CAPN11: variants seen among roughly 807,000 people sequenced by gnomAD.
CAPN11 encodes calpain 11.
In CAPN11, 108 loss-of-function variants were observed where a neutral mutation model predicts 105.3. The observed-to-expected ratio is 1.03, with a 90% CI of 0.88 to 1.20. CAPN11 has a LOEUF of 1.20. Among genes scored for constraint, CAPN11 ranks in the 50% most tolerant of loss-of-function variants. The pLI, the probability that CAPN11 is intolerant of heterozygous loss-of-function variation, is 0.00. For synonymous variants in CAPN11, 329 were observed against 344.5 expected, an observed-to-expected ratio of 0.96 and a Z score of 0.50; for missense variants, 883 against 924.8, an observed-to-expected ratio of 0.95 and a Z score of 0.59.
intron 22 of CAPN11, 69 bp downstream of exon 22, chr6:44,183,832 C>CCCCCCACA: frequency 6.3e-7 from 1 of 1,577,652 alleles, no homozygotes; most frequent in Non-Finnish European, 8.6e-7. Context: ...CACCCCCACC[C>CCCCCCACA]AGCTCTGATG....
chr6:44,183,266 T>A, intron 21 of CAPN11, 31 bp downstream of exon 21: 1 of 1,434,560 alleles, frequency 7.0e-7, no homozygotes. Context: ...CTCCCCAGCC[T>A]AGGCCAGGGG....
intron 7 of CAPN11, 44 bp downstream of exon 7, chr6:44,173,430 T>C (rs1180386916): frequency 7.6e-7 from 1 of 1,320,834 alleles, no homozygotes. Flanking sequence ...GCACCTGCTG[T>C]TGCTGTCACC....
intron 7 of CAPN11, among the ~76,000 whole-genome samples, chr6:44,175,060 A>G (rs565839967): frequency 2.6e-5 from 4 of 152,322 alleles, no homozygotes; most frequent in Admixed American, 1.3e-4. Context: ...GGTGATAGAA[A>G]TGTTCTATAT....
chr6:44,174,531 A>G (rs1320029269), intron 7 of CAPN11, among the ~76,000 whole-genome samples: 3 of 151,262 alleles, frequency 2.0e-5, no homozygotes, highest in African/African-American at 7.3e-5. Flanking sequence ...AAAAAAAAAA[A>G]AAGAAATTAA....
intron 3 of CAPN11, 45 bp from the exon 4 acceptor site, chr6:44,169,860 GA>G: frequency 7.1e-7 from 1 of 1,410,060 alleles, no homozygotes; most frequent in Non-Finnish European, 9.9e-7. Context: ...GAAAGGTGGG[GA>G]GGGGGTGTCC....
chr6:44,166,848 C>G lies in CAPN11; in HGVS notation c.88+19C>G, dbSNP rs1323949829. On this transcript the variant is annotated intron_variant, in intron 2 of 22. Transcript: ENST00000398776. ...TGTGCGGGTAGGACTGCAGACCCGT[C>G]GTGGCTCTGTGGCCTCCCTTTTTCT... is the stretch of plus-strand genomic sequence containing the variant. 3 of 1,508,908 alleles carry G rather than the reference C, an allele frequency of 2.0e-6. No individual in the cohort carries two copies. Among genetic ancestry groups the G allele is most frequent in the Non-Finnish European group, 1.8e-6 (2 of 1,113,682 alleles). 93.5% of individuals were successfully genotyped at this position (1,508,908 alleles called of 1,614,324 possible).
At position 44,180,799 on chromosome 6, in the gene CAPN11, A is replaced by G. The variant is rs1392780154; in HGVS notation, c.1798A>G (p.Ile600Val). 3 of 1,613,552 alleles carry G rather than the reference A, an allele frequency of 1.9e-6. No individual in the cohort carries two copies. Among genetic ancestry groups the G allele is most frequent in the South Asian group, 1.1e-5 (1 of 91,084 alleles). ...CCAGAGGCTGCTCAACAGGATGGCC[A>G]TCAAATGTGAGTCTTCCACTCCTGC... is the stretch of plus-strand genomic sequence containing the variant. ...ELQRLLNRMA[I>V]KFKSFKTKGF... The change falls in exon 17 of 23, where the codon ATC (isoleucine) becomes GTC (valine). Residue 600 changes from isoleucine (I) to valine (V), a missense_variant. Transcript: ENST00000398776.
intron 19 of CAPN11, among the ~76,000 whole-genome samples, chr6:44,182,591 T>C (rs993141205): frequency 1.3e-5 from 2 of 152,010 alleles, no homozygotes; most frequent in African/African-American, 4.8e-5. Context: ...TGTCCTAAAG[T>C]ATTTCTTTTT....
chr6:44,181,676 T>A (rs796392573), intron 19 of CAPN11, among the ~76,000 whole-genome samples: 17 of 7,848 alleles, frequency 2.2e-3, no homozygotes, highest in African/African-American at 5.6e-3. Context: ...ACACACATAC[T>A]CACATACAGA....
Position 44,183,776 on chromosome 6 carries a change from G to C in CAPN11, c.2193+13G>C. On this transcript the variant is annotated intron_variant, in intron 22 of 22. Transcript: ENST00000398776. The stretch of plus-strand genomic sequence containing the variant: ...GAGCCTGGAACAGGTACTTGGAGAA[G>C]GGTGGGAAGGAATCTGCAGGATTGC... 6.2e-7 allele frequency: 1 copy of C among 1,613,190 alleles called. No individual in the cohort carries two copies. Among genetic ancestry groups the C allele is most frequent in the Non-Finnish European group, 8.5e-7 (1 of 1,179,454 alleles).
rs747747185 is a variant in CAPN11, at chr6:44,180,514, T to G, written c.1680+15T>G. On this transcript the variant is annotated intron_variant, in intron 15 of 22. Coordinates refer to ENST00000398776, the MANE Select transcript of CAPN11 (RefSeq NM_007058.4). ...AACTCCAAGAGGTGAGGGGAGACTGTAGGGCTGGGGGTTGGAAGGAAGCTC... is the reference window on the plus strand; with the variant it reads ...AACTCCAAGAGGTGAGGGGAGACTGGAGGGCTGGGGGTTGGAAGGAAGCTC... The G allele has an allele frequency of 6.2e-7, 1 of 1,613,578 alleles. No homozygotes were observed. The highest frequency in any genetic ancestry group is 1.1e-5 in the South Asian group (1 of 91,066).
intron 22 of CAPN11, 44 bp from the exon 23 acceptor site, chr6:44,183,862 C>A (rs749172072): frequency 6.4e-7 from 1 of 1,566,762 alleles, no homozygotes; most frequent in African/African-American, 1.4e-5. Flanking sequence ...CAGCATCCTG[C>A]CCCCGTCTCT....
At position 44,169,262 on chromosome 6, in the gene CAPN11, CTTTT is replaced by C; in HGVS notation, c.89-13_89-10del. ...TACATTTTTTACTTGCGTTATTTCT[CTTTT>C]TTTTTCTTAAGCAGAGCCCACTTTT... On this transcript the variant is annotated splice_polypyrimidine_tract_variant and intron_variant, in intron 2 of 22. Coordinates refer to ENST00000398776, the MANE Select transcript of CAPN11 (RefSeq NM_007058.4). 1.9e-6 allele frequency: 3 copies of C among 1,562,542 alleles called. No homozygotes were observed. The highest frequency in any genetic ancestry group is 2.6e-6 in the Non-Finnish European group (3 of 1,149,320).
intron 9 of CAPN11, 73 bp from the exon 10 acceptor site, chr6:44,176,508 G>A: frequency 1.4e-6 from 2 of 1,423,470 alleles, no homozygotes; most frequent in Non-Finnish European, 2.0e-6. Context: ...CAGGGAAGAG[G>A]CAGTCCCCTG....
intron 2 of CAPN11, 95 bp downstream of exon 2, chr6:44,166,924 T>C (rs527984292): frequency 1.5e-5 from 9 of 613,764 alleles, no homozygotes; most frequent in Non-Finnish European, 2.3e-5. Flanking sequence ...GTGGGGGAAG[T>C]CAGTCATGTT....
In CAPN11 at chr6:44,184,076, G is replaced by A. The variant is rs1403109590; in HGVS notation, c.*144G>A. 3.4e-5 allele frequency: 29 copies of A among 852,974 alleles called. No individual in the cohort carries two copies. The highest frequency in any genetic ancestry group is 5.3e-5 in the East Asian group (2 of 37,632). 52.8% of individuals were successfully genotyped at this position (852,974 alleles called of 1,614,324 possible). On this transcript the variant is annotated 3_prime_UTR_variant, in exon 23 of 23. Transcript: ENST00000398776. ...CCAGGTGGCAGTGCCCGGGTCCCAG[G>A]TGCCGTGTTTACTGCAGCAGTGGGA... is the stretch of plus-strand genomic sequence containing the variant.
At position 44,173,321 on chromosome 6, in the gene CAPN11, C is replaced by G; in HGVS notation, c.766C>G (p.Gln256Glu). 2 of 1,613,942 alleles carry G rather than the reference C, an allele frequency of 1.2e-6. No homozygotes were observed. Among genetic ancestry groups the G allele is most frequent in the East Asian group, 2.2e-5 (1 of 44,872 alleles). The change falls in exon 7 of 23, where the codon CAG (glutamine) becomes GAG (glutamate). Residue 256 changes from glutamine (Q) to glutamate (E), a missense_variant. Transcript: ENST00000398776. Reference protein sequence around the residue: ...AQSFQLQRPPQNLLRLLRKAV... With the variant: ...AQSFQLQRPPENLLRLLRKAV... ...GAGCTTCCAACTCCAGAGGCCCCCTCAGAACCTGCTCAGGCTCCTTAGGAA... is the reference window on the plus strand; with the variant it reads ...GAGCTTCCAACTCCAGAGGCCCCCTGAGAACCTGCTCAGGCTCCTTAGGAA...
In CAPN11 at chr6:44,172,327, C is replaced by A. The variant is rs753601236; in HGVS notation, c.435C>A (p.Ile145=). 1.3e-4 allele frequency: 206 copies of A among 1,557,472 alleles called. No homozygotes were observed. The highest frequency in any genetic ancestry group is 1.7e-4 in the Non-Finnish European group (196 of 1,150,884). Residue 145 remains isoleucine, a synonymous_variant, in exon 5 of 23, where the codon ATC becomes ATA. Transcript: ENST00000398776. ...ILGDCWLLAA[I]GSLTTCPKLL... The stretch of plus-strand genomic sequence containing the variant: ...GGGACTGCTGGCTGCTGGCTGCCAT[C>A]GGCTCCCTTACCACCTGCCCCAAAC...
chr6:44,164,780 C>G (rs1331868924), intron 1 of CAPN11, among the ~76,000 whole-genome samples: 1 of 152,080 alleles, frequency 6.6e-6, no homozygotes, highest in East Asian at 1.9e-4. Flanking sequence ...CAGGTGGAAG[C>G]CTGGTTTGGG....
Sources: gnomAD v4.1 joint callset for allele counts (sites outside exome capture counted in the v4.1 genomes callset) on GRCh38, gnomAD v4.1.1 for gene constraint, MANE v1.5 for transcripts, NCBI Gene and HGNC (gene_info 2026-07-23, HGNC 2026-07-21) for gene names.